Variants in CPNE2 observed in about 807,000 individuals in gnomAD.
The protein encoded by CPNE2 is copine 2.
Under a neutral mutation model 69.7 loss-of-function variants are expected in CPNE2, and 42 were observed. The observed-to-expected ratio is 0.60, with a 90% CI of 0.47 to 0.78. The LOEUF (loss-of-function observed/expected upper bound fraction) is 0.78, where lower values mean the gene tolerates loss of function less well. Ranked by LOEUF, CPNE2 falls within the 30% of genes least tolerant of loss-of-function variation. The pLI is 0.00. For synonymous variants in CPNE2, 294 were observed against 289.8 expected (o/e 1.01, Z -0.15); for missense variants, 587 against 732.0 (o/e 0.80, Z 2.29).
At chr16:57,096,521 G>T (rs536632512) in intron 1 of CPNE2, among the ~76,000 whole-genome samples, 8 of 151,826 alleles carry the variant, frequency 5.3e-5, no homozygotes, top group Non-Finnish European at 1.2e-4. Flanking sequence ...GCAAAAACCC[G>T]TCTTTACCAA....
intron 4 of CPNE2, among the ~76,000 whole-genome samples, chr16:57,116,139 C>A (rs918434467): frequency 6.6e-6 from 1 of 152,124 alleles, no homozygotes; most frequent in South Asian, 2.1e-4. Context: ...ACTCCCCTGT[C>A]CTGGAACCTC....
chr16:57,121,782 CG>C (rs2069764491), intron 9 of CPNE2, 22 bp downstream of exon 9: 1 of 1,610,232 alleles, frequency 6.2e-7, no homozygotes, highest in African/African-American at 1.3e-5. Flanking sequence ...TGGGCAAGCA[CG>C]AGCCAGGGGC....
At chr16:57,128,265 T>C in intron 12 of CPNE2, among the ~76,000 whole-genome samples, 1 of 152,240 alleles carries the variant, frequency 6.6e-6, no homozygotes, top group Non-Finnish European at 1.5e-5. Flanking sequence ...AGTCTTGCTC[T>C]GTTGCCCAGG....
At chr16:57,128,976 G>A (rs1295493530) in intron 12 of CPNE2, 4 of 152,324 alleles carry the variant, frequency 2.6e-5, no homozygotes, top group African/African-American at 9.6e-5. Context: ...GGGAGCCGAG[G>A]AGGTAACCCA....
intron 14 of CPNE2, among the ~76,000 whole-genome samples, chr16:57,138,317 G>T (rs1209936906): frequency 6.6e-6 from 1 of 151,996 alleles, no homozygotes; most frequent in East Asian, 1.9e-4. Flanking sequence ...ACTTCCCCAT[G>T]GCCACAGGTC....
chr16:57,132,315 G>A (rs79844737), intron 12 of CPNE2, among the ~76,000 whole-genome samples: 4 of 152,190 alleles, frequency 2.6e-5, no homozygotes, highest in African/African-American at 4.8e-5. Context: ...GCCCTTCAAC[G>A]TGAGCAGAGT....
chr16:57,121,380 T>A (rs2069761013), intron 8 of CPNE2, among the ~76,000 whole-genome samples, 189 bp downstream of exon 8: 1 of 152,122 alleles, frequency 6.6e-6, no homozygotes, highest in South Asian at 2.1e-4. Flanking sequence ...GGGGATTGAA[T>A]GAGATGATGC....
In CPNE2 at chr16:57,137,282, G is replaced by A. The variant is rs773699635; in HGVS notation, c.1302G>A (p.Thr434=). 4.3e-6 allele frequency: 7 copies of A among 1,613,828 alleles called. No individual in the cohort carries two copies. Among genetic ancestry groups the A allele is most frequent in the African/African-American group, 4.0e-5 (3 of 74,930 alleles). The change falls in exon 14 of 16, where the codon ACG becomes ACA. Residue 434 remains threonine, a splice_region_variant and synonymous_variant. Coordinates refer to ENST00000290776, the MANE Select transcript of CPNE2 (RefSeq NM_152727.6). ...AGGCCACACAACAGCGGACGGCCAC[G>A]GTGAGTAGGCAGCTGCAAGCCAGTC... ...AAQATQQRTA[T]QYFILLIITD...
At position 57,121,127 on chromosome 16, in the gene CPNE2, A is replaced by T; in HGVS notation, c.716A>T (p.His239Leu). ...TACGACTATGACAATGACGGGGGCC[A>T]TGACTTCATCGGCGAGTTCCAGACC... is the stretch of plus-strand genomic sequence containing the variant. ...MCYDYDNDGG[H>L]DFIGEFQTSV... The change falls in exon 8 of 16, where the codon CAT (histidine) becomes CTT (leucine). Residue 239 changes from histidine (H) to leucine (L), a missense_variant. This residue lies in a region of CPNE2 where 269 missense variants were observed against 300.5 expected (regional missense o/e 0.90). Transcript: ENST00000290776. The T allele has an allele frequency of 6.2e-7, 1 of 1,614,026 alleles. No homozygotes were observed. The highest frequency in any genetic ancestry group is 1.6e-4 in the Middle Eastern group (1 of 6,062).
At chr16:57,103,247 CT>C (rs768026296) in intron 1 of CPNE2, among the ~76,000 whole-genome samples, 2 of 152,222 alleles carry the variant, frequency 1.3e-5, no homozygotes, top group Non-Finnish European at 2.9e-5. Context: ...CTCAGGCTCC[CT>C]AGTAGCTACA....
In CPNE2 at chr16:57,115,478, C is replaced by T. The variant is rs553367188; in HGVS notation, c.363C>T (p.Ile121=). Reference sequence around the variant, plus strand: ...GCCCTTTCTCCTCTCTCCCCTAGATCGTCTCCAGCAAGAAGATCACTAGGC... The same window carrying T: ...GCCCTTTCTCCTCTCTCCCCTAGATTGTCTCCAGCAAGAAGATCACTAGGC... ...LGQFSCSLGT[I]VSSKKITRPL... Residue 121 remains isoleucine (I), a splice_region_variant and synonymous_variant, in exon 4 of 16, where the codon ATC becomes ATT. Transcript: ENST00000290776. 1.9e-6 allele frequency: 3 copies of T among 1,611,334 alleles called. No homozygotes were observed. The highest frequency in any genetic ancestry group is 1.3e-5 in the African/African-American group (1 of 74,902).
At chr16:57,123,101 G>A (rs894308876) in intron 9 of CPNE2, among the ~76,000 whole-genome samples, 73 of 152,126 alleles carry the variant, frequency 4.8e-4, no homozygotes, top group African/African-American at 1.7e-3. Context: ...GAGAAGGTAA[G>A]TACCTAACAG....
intron 4 of CPNE2, among the ~76,000 whole-genome samples, chr16:57,117,242 A>G (rs1597495723): frequency 6.6e-6 from 1 of 152,152 alleles, no homozygotes; most frequent in Admixed American, 6.5e-5. Flanking sequence ...ATCTCTGCCC[A>G]CCACCCCATG....
intron 14 of CPNE2, chr16:57,145,748 G>A: frequency 3.3e-6 from 1 of 304,616 alleles, no homozygotes; most frequent in East Asian, 8.3e-5. Context: ...AGTCAAGTCA[G>A]TTGCCTAGAG....
chr16:57,099,782 T>G (rs1377361273), intron 1 of CPNE2, among the ~76,000 whole-genome samples: 1 of 149,358 alleles, frequency 6.7e-6, no homozygotes, highest in Admixed American at 6.6e-5. Context: ...TTGATTTTTT[T>G]TTTTTTTTTT....
At chr16:57,114,573 C>G (rs60157288) in intron 3 of CPNE2, among the ~76,000 whole-genome samples, 50,123 of 151,650 alleles carry the variant, frequency 0.33, 8,449 homozygotes, top group Middle Eastern at 0.44. Context: ...TGTGGATCTG[C>G]GGAGAAGAAC....
intron 1 of CPNE2, among the ~76,000 whole-genome samples, chr16:57,101,140 G>A (rs73548844): frequency 0.069 from 10,529 of 152,266 alleles, 634 homozygotes; most frequent in African/African-American, 0.14. Context: ...CCCCAAGACT[G>A]CAGCATAGAA....
At chr16:57,105,782 C>A (rs1018008319) in intron 1 of CPNE2, among the ~76,000 whole-genome samples, 1 of 152,164 alleles carries the variant, frequency 6.6e-6, no homozygotes, top group Admixed American at 6.5e-5. Context: ...GGTCTGGTCA[C>A]CCCAGAAGGG....
At chr16:57,135,986 A>G (rs1481149619) in intron 13 of CPNE2, among the ~76,000 whole-genome samples, 1 of 131,160 alleles carries the variant, frequency 7.6e-6, no homozygotes, top group African/African-American at 2.8e-5. Context: ...GAGGGAGGGA[A>G]GGAGGAAGGA....
Sources: allele counts gnomAD v4.1 joint callset (sites outside exome capture counted in the v4.1 genomes callset), GRCh38; gene constraint gnomAD v4.1.1; regional missense constraint gnomAD v4.1.1; transcripts MANE v1.5; gene names NCBI Gene and HGNC (gene_info 2026-07-23, HGNC 2026-07-21).